Variants in GRIK2 observed in about 807,000 individuals in gnomAD.
GRIK2 encodes glutamate receptor ionotropic, kainate 2.
Under a neutral mutation model 100.3 loss-of-function variants are expected in GRIK2, and 32 were observed. The observed-to-expected ratio is 0.32, with a 90% CI of 0.24 to 0.43. The LOEUF (loss-of-function observed/expected upper bound fraction) is 0.43. GRIK2 is among the 20% of genes least tolerant of loss of function. The pLI, the probability that GRIK2 is intolerant of heterozygous loss-of-function variation, is 1.00. For synonymous variants in GRIK2, 417 were observed against 389.4 expected (o/e 1.07, Z -0.83); for missense variants, 843 against 1,114.9 (o/e 0.76, Z 3.47).
intron 7 of GRIK2, among the ~76,000 whole-genome samples, chr6:101,739,241 G>A (rs1350622687): frequency 6.6e-6 from 1 of 152,108 alleles, no homozygotes; most frequent in Non-Finnish European, 1.5e-5. Flanking sequence ...TCTTGTTTCT[G>A]CCACTGGAGA....
At chr6:102,010,380 T>C (rs1332751462) in intron 14 of GRIK2, among the ~76,000 whole-genome samples, 1 of 145,564 alleles carries the variant, frequency 6.9e-6, no homozygotes. Flanking sequence ...CCACTTCTTC[T>C]TTTTCTTTTT....
At chr6:101,797,057 C>T (rs1410701868) in intron 7 of GRIK2, among the ~76,000 whole-genome samples, 1 of 151,782 alleles carries the variant, frequency 6.6e-6, no homozygotes, top group African/African-American at 2.4e-5. Flanking sequence ...TATGTATGTC[C>T]TGTTAGATTA....
intron 7 of GRIK2, among the ~76,000 whole-genome samples, chr6:101,693,436 GA>G (rs556487300): frequency 0.021 from 2,934 of 140,902 alleles, 61 homozygotes; most frequent in African/African-American, 0.059. Flanking sequence ...ATGTAGGGGA[GA>G]AAAAAAAAAA....
At chr6:101,889,884 AT>A (rs762690253) in intron 12 of GRIK2, 21 bp downstream of exon 12, 9 of 1,489,076 alleles carry the variant, frequency 6.0e-6, no homozygotes, top group African/African-American at 4.2e-5. Flanking sequence ...CACTTTTGTG[AT>A]TTTTTTGGCA....
At chr6:101,573,124 G>C (rs890733970) in intron 2 of GRIK2, among the ~76,000 whole-genome samples, 13 of 152,058 alleles carry the variant, frequency 8.5e-5, no homozygotes, top group Admixed American at 6.6e-4. Context: ...GGAATTACAG[G>C]GGTGAGCCAC....
At chr6:101,442,533 A>G (rs1770131814) in intron 2 of GRIK2, among the ~76,000 whole-genome samples, 1 of 152,126 alleles carries the variant, frequency 6.6e-6, no homozygotes, top group African/African-American at 2.4e-5. Context: ...TTCTTGAAAG[A>G]CACGCTGCAA....
intron 2 of GRIK2, among the ~76,000 whole-genome samples, chr6:101,615,092 A>G (rs1779832853): frequency 6.6e-6 from 1 of 151,734 alleles, no homozygotes; most frequent in South Asian, 2.1e-4. Flanking sequence ...ATATCTACAA[A>G]ACAAAGGAGG....
chr6:101,403,915 C>CA (rs1401899574), intron 2 of GRIK2, among the ~76,000 whole-genome samples: 1 of 152,146 alleles, frequency 6.6e-6, no homozygotes, highest in African/African-American at 2.4e-5. Flanking sequence ...TTAAAAAAAT[C>CA]AGTTTTTCTC....
intron 14 of GRIK2, among the ~76,000 whole-genome samples, chr6:101,971,727 T>C (rs527751809): frequency 6.6e-6 from 1 of 152,002 alleles, no homozygotes; most frequent in South Asian, 2.1e-4. Context: ...TAGGTAGTTT[T>C]TCACCCATTG....
At chr6:101,528,080 C>G (rs1302059855) in intron 2 of GRIK2, among the ~76,000 whole-genome samples, 1 of 152,046 alleles carries the variant, frequency 6.6e-6, no homozygotes, top group Non-Finnish European at 1.5e-5. Flanking sequence ...TCAATTTCTT[C>G]AACTGTAAGA....
At chr6:101,923,978 T>C (rs1789725580) in intron 12 of GRIK2, among the ~76,000 whole-genome samples, 1 of 151,292 alleles carries the variant, frequency 6.6e-6, no homozygotes, top group Admixed American at 6.6e-5. Context: ...GATATCATGC[T>C]GATTGGCATG....
chr6:101,435,764 T>C (rs1769680595), intron 2 of GRIK2, among the ~76,000 whole-genome samples: 1 of 152,162 alleles, frequency 6.6e-6, no homozygotes, highest in Non-Finnish European at 1.5e-5. Flanking sequence ...ATTCTCCATC[T>C]GACACTTGGA....
intron 7 of GRIK2, among the ~76,000 whole-genome samples, chr6:101,793,056 C>T (rs1423198000): frequency 1.3e-5 from 2 of 152,198 alleles, no homozygotes; most frequent in African/African-American, 4.8e-5. Context: ...CTTTCACCTC[C>T]GTCAGCTCCT....
At chr6:101,447,499 T>A (rs1433906969) in intron 2 of GRIK2, among the ~76,000 whole-genome samples, 2 of 151,868 alleles carry the variant, frequency 1.3e-5, no homozygotes, top group East Asian at 3.9e-4. Flanking sequence ...AATGGGAAGC[T>A]GTAATCAGCC....
In GRIK2 at chr6:102,068,461, A is replaced by C; in HGVS notation, c.2677A>C (p.Met893Leu). The part of the protein sequence containing the change: ...VIVKTEEVIN[M>L]HTFNDRRLPG... ...TGTGAAAACAGAAGAAGTTATCAACATGCACACATTTAACGACAGAAGGTT... is the reference window on the plus strand; with the variant it reads ...TGTGAAAACAGAAGAAGTTATCAACCTGCACACATTTAACGACAGAAGGTT... The change falls in exon 17 of 17, where the codon ATG (methionine) becomes CTG (leucine). Residue 893 changes from methionine (M) to leucine (L), a missense_variant. Coordinates refer to ENST00000369134, the MANE Select transcript of GRIK2 (RefSeq NM_021956.5). 6.2e-7 allele frequency: 1 copy of C among 1,612,232 alleles called. No homozygotes were observed. Among genetic ancestry groups the C allele is most frequent in the South Asian group, 1.1e-5 (1 of 91,048 alleles).
chr6:101,654,485 G>T (rs2128330127), intron 4 of GRIK2, among the ~76,000 whole-genome samples: 1 of 152,174 alleles, frequency 6.6e-6, no homozygotes, highest in East Asian at 1.9e-4. Context: ...GAGCCTGAAT[G>T]GCTAGGAGAC....
At chr6:101,971,175 A>C (rs1793027609) in intron 14 of GRIK2, among the ~76,000 whole-genome samples, 1 of 144,474 alleles carries the variant, frequency 6.9e-6, no homozygotes, top group Admixed American at 6.7e-5. Flanking sequence ...ATATATTCAC[A>C]TCTGTAAACA....
At chr6:101,859,255 T>C in intron 10 of GRIK2, 32 bp from the exon 11 acceptor site, 1 of 1,131,406 alleles carries the variant, frequency 8.8e-7, no homozygotes, top group Non-Finnish European at 1.3e-6. Context: ...TGATTAACTG[T>C]TACCTCTTTT....
chr6:101,982,589 G>C (rs896245405), intron 14 of GRIK2, among the ~76,000 whole-genome samples: 11 of 150,944 alleles, frequency 7.3e-5, no homozygotes, highest in African/African-American at 2.7e-4. Context: ...GAGAAAAATT[G>C]AATTTAAAAA....
Sources: gnomAD v4.1 joint callset for allele counts (sites outside exome capture counted in the v4.1 genomes callset) on GRCh38, gnomAD v4.1.1 for gene constraint, MANE v1.5 for transcripts, NCBI Gene and HGNC (gene_info 2026-07-23, HGNC 2026-07-21) for gene names.